The following FHL2 variants were observed in gnomAD, a reference collection of about 807,000 sequenced individuals.
FHL2 encodes the protein four and a half LIM domains 2, also known as four and a half LIM domains protein 2.
A neutral mutation model predicts 32.7 loss-of-function variants in FHL2; 20 were observed. The ratio of observed to expected loss-of-function variants is 0.61; its 90% CI spans 0.43 to 0.89. The LOEUF (loss-of-function observed/expected upper bound fraction) is 0.89, where lower values mean the gene tolerates loss of function less well. FHL2 is among the 40% of genes least tolerant of loss of function. FHL2 has a pLI of 0.00. For synonymous variants in FHL2, 123 were observed against 128.1 expected (o/e 0.96, Z 0.27); for missense variants, 311 against 358.6 (o/e 0.87, Z 1.07).
upstream of FHL2, among the ~76,000 whole-genome samples, chr2:105,400,684 TA>T (rs1411841515): frequency 9.4e-6 from 1 of 106,504 alleles, no homozygotes; most frequent in Non-Finnish European, 1.9e-5. Context: ...TCTTATATTT[TA>T]ATTTTTTTTT....
At chr2:105,370,086 A>T (rs924848665) in intron 4 of FHL2, among the ~76,000 whole-genome samples, 8 of 152,202 alleles carry the variant, frequency 5.3e-5, no homozygotes, top group African/African-American at 1.9e-4. Flanking sequence ...TCAAATAGTC[A>T]AATGAGGCTG....
At chr2:105,370,215 CAAA>C (rs373599124) in intron 4 of FHL2, among the ~76,000 whole-genome samples, 5 of 149,666 alleles carry the variant, frequency 3.3e-5, no homozygotes, top group Non-Finnish European at 6.0e-5. Context: ...TCTACCCCCC[CAAA>C]AAAAAAATTA....
intron 1 of FHL2, among the ~76,000 whole-genome samples, chr2:105,422,010 A>T (rs992756161): frequency 2.6e-5 from 4 of 152,166 alleles, no homozygotes; most frequent in African/African-American, 9.7e-5. Flanking sequence ...TGTTGCGTGC[A>T]TTGGCAGCGT....
chr2:105,387,031 C>G (rs1682374079), intron 2 of FHL2, among the ~76,000 whole-genome samples: 1 of 152,154 alleles, frequency 6.6e-6, no homozygotes, highest in African/African-American at 2.4e-5. Context: ...TCCCAAACTG[C>G]TGAGATTACA....
chr2:105,361,270 C>G lies in FHL2; in HGVS notation c.*13G>C. ...TGTGTGAGATCACAAGCAGCAACTT[C>G]TCTGTGTTGAATTCAGATGTCTTTC... is the stretch of plus-strand genomic sequence containing the variant. On this transcript the variant is annotated 3_prime_UTR_variant, in exon 7 of 7. Transcript: ENST00000530340. 6.2e-7 allele frequency: 1 copy of G among 1,606,164 alleles called. No individual in the cohort carries two copies. The highest frequency in any genetic ancestry group is 8.5e-7 in the Non-Finnish European group (1 of 1,175,710).
intron 2 of FHL2, among the ~76,000 whole-genome samples, chr2:105,386,847 C>T (rs1481087196): frequency 6.7e-6 from 1 of 149,192 alleles, no homozygotes; most frequent in East Asian, 2.0e-4. Flanking sequence ...TCACTGCAAC[C>T]TCCGCCTCCC....
chr2:105,363,014 T>G, intron 6 of FHL2: 1 of 414,234 alleles, frequency 2.4e-6, no homozygotes, highest in Non-Finnish European at 4.4e-6. Context: ...AGACTGCAGT[T>G]TTAGCGATAA....
chr2:105,399,779 G>GCCCAT (rs1229560859), upstream of FHL2: 1 of 665,522 alleles, frequency 1.5e-6, no homozygotes, highest in East Asian at 3.2e-5. Context: ...CACAGGTTGA[G>GCCCAT]CCCATCCCTG....
At chr2:105,424,246 C>T (rs1684191341) in intron 1 of FHL2, among the ~76,000 whole-genome samples, 1 of 152,208 alleles carries the variant, frequency 6.6e-6, no homozygotes, top group South Asian at 2.1e-4. Flanking sequence ...CAAAAGAAGA[C>T]ATTTATGCAG....
At chr2:105,426,084 G>T (rs1039480606) in intron 1 of FHL2, among the ~76,000 whole-genome samples, 8 of 151,786 alleles carry the variant, frequency 5.3e-5, no homozygotes, top group African/African-American at 1.9e-4. Context: ...TTTGGTATTT[G>T]CTTCCTCTTC....
At chr2:105,396,817 C>A (rs1041579797) in intron 1 of FHL2, 120 bp from the exon 2 acceptor site, 1 of 826,140 alleles carries the variant, frequency 1.2e-6, no homozygotes, top group Non-Finnish European at 1.9e-6. Context: ...ATAATAAAAC[C>A]GCACAGAAGA....
At chr2:105,437,718 A>G (rs866570111) in intron 1 of FHL2, among the ~76,000 whole-genome samples, 2 of 152,190 alleles carry the variant, frequency 1.3e-5, no homozygotes, top group Non-Finnish European at 2.9e-5. Flanking sequence ...TATATATGGC[A>G]TCCTATCAAT....
chr2:105,433,472 G>A (rs181608160), intron 1 of FHL2, among the ~76,000 whole-genome samples: 21 of 152,262 alleles, frequency 1.4e-4, no homozygotes, highest in Admixed American at 8.5e-4. Flanking sequence ...GTGAGCCACC[G>A]CGCCCGGCTT....
chr2:105,404,943 G>A (rs1370534824), intron 1 of FHL2, among the ~76,000 whole-genome samples: 1 of 152,134 alleles, frequency 6.6e-6, no homozygotes, highest in Non-Finnish European at 1.5e-5. Flanking sequence ...TCCCATCCTT[G>A]GTTAGAGTTT....
chr2:105,364,759 G>A (rs1053031146), intron 5 of FHL2, among the ~76,000 whole-genome samples: 14 of 152,300 alleles, frequency 9.2e-5, no homozygotes, highest in African/African-American at 3.4e-4. Flanking sequence ...TTTACATAAA[G>A]CTTGTGAAGT....
At chr2:105,409,980 A>T (rs1683746378) in intron 1 of FHL2, among the ~76,000 whole-genome samples, 1 of 152,228 alleles carries the variant, frequency 6.6e-6, no homozygotes, top group Admixed American at 6.5e-5. Context: ...GAATACCAGG[A>T]GCTCAGCCCA....
intron 5 of FHL2, 119 bp from the exon 6 acceptor site, chr2:105,363,590 AC>A: frequency 1.1e-6 from 1 of 918,298 alleles, no homozygotes; most frequent in Non-Finnish European, 1.6e-6. Flanking sequence ...TTGTTAAGTC[AC>A]CAAGAAGCTG....
intron 1 of FHL2, among the ~76,000 whole-genome samples, chr2:105,436,255 G>T (rs4851774): frequency 0.46 from 70,171 of 151,854 alleles, 16,431 homozygotes; most frequent in Admixed American, 0.51. Context: ...AGATCAAGGC[G>T]CAAGGTGGTT....
At chr2:105,405,418 T>C (rs1380505663) in intron 1 of FHL2, among the ~76,000 whole-genome samples, 1 of 152,170 alleles carries the variant, frequency 6.6e-6, no homozygotes, top group Admixed American at 6.5e-5. Context: ...AATGTTTATG[T>C]TATTTTATTT....
Sources: gnomAD v4.1 joint callset for allele counts (sites outside exome capture counted in the v4.1 genomes callset) on GRCh38, gnomAD v4.1.1 for gene constraint, MANE v1.5 for transcripts, NCBI Gene and HGNC (gene_info 2026-07-23, HGNC 2026-07-21) for gene names.